Variants in DAB2 observed in about 807,000 individuals in gnomAD.
The protein encoded by DAB2 is disabled homolog 2.
Under a neutral mutation model 71.6 loss-of-function variants are expected in DAB2, and 28 were observed. The ratio of observed to expected loss-of-function variants is 0.39; its 90% CI spans 0.29 to 0.54. The LOEUF (loss-of-function observed/expected upper bound fraction) is 0.54, where lower values mean the gene tolerates loss of function less well. Among genes scored for constraint, DAB2 ranks in the 20% least tolerant of loss-of-function variants. The pLI, the probability that DAB2 is intolerant of heterozygous loss-of-function variation, is 0.68. For synonymous variants in DAB2, 345 were observed against 339.7 expected, an observed-to-expected ratio of 1.02 and a Z score of -0.17; for missense variants, 867 against 928.8, an observed-to-expected ratio of 0.93 and a Z score of 0.86.
At chr5:39,394,101 G>A (rs1755299643) in intron 2 of DAB2, 129 bp downstream of exon 2, 2 of 702,412 alleles carry the variant, frequency 2.8e-6, no homozygotes, top group Non-Finnish European at 4.8e-6. Flanking sequence ...TTCCTATTAG[G>A]AGAACATGAG....
intron 1 of DAB2, chr5:39,417,535 C>G (rs1196297167): frequency 6.6e-6 from 1 of 152,152 alleles, no homozygotes; most frequent in Non-Finnish European, 1.5e-5. Context: ...TTCCATTGTT[C>G]CTTTAAAAGC....
At chr5:39,384,395 GGTCTCTCT>G (rs1240326626) in intron 9 of DAB2, among the ~76,000 whole-genome samples, 2 of 152,102 alleles carry the variant, frequency 1.3e-5, no homozygotes, top group Admixed American at 6.5e-5. Context: ...ATTTGAATGT[GGTCTCTCT>G]GTCTCTCTTC....
intron 4 of DAB2, 61 bp from the exon 5 acceptor site, chr5:39,390,636 A>G (rs1755205239): frequency 7.4e-7 from 1 of 1,351,656 alleles, no homozygotes; most frequent in African/African-American, 1.5e-5. Context: ...GCAGGCTAGC[A>G]CACCGAAGCC....
chr5:39,391,923 A>G (rs2686169), intron 4 of DAB2, among the ~76,000 whole-genome samples: 1 of 150,116 alleles, frequency 6.7e-6, no homozygotes. Context: ...AAAGTGTCAC[A>G]AACTAGGGGT....
At chr5:39,378,376 C>T (rs545713451) in intron 11 of DAB2, among the ~76,000 whole-genome samples, 14 of 152,350 alleles carry the variant, frequency 9.2e-5, no homozygotes, top group Admixed American at 3.3e-4. Context: ...GGTGATGCTT[C>T]GCTCTTGAAA....
At position 39,388,796 on chromosome 5, in the gene DAB2, T is replaced by C. The variant is rs778792250; in HGVS notation, c.624+3A>G. 21 of 1,611,598 alleles carry C rather than the reference T, an allele frequency of 1.3e-5. No individual in the cohort carries two copies. The highest frequency in any genetic ancestry group is 2.2e-5 in the East Asian group (1 of 44,856). ...CTGTCAAACGTCACATATTAATACATACCGATTTCAGTTTGTTAGTTTGGT... is the reference window on the plus strand; with the variant it reads ...CTGTCAAACGTCACATATTAATACACACCGATTTCAGTTTGTTAGTTTGGT... On this transcript the variant is annotated splice_donor_region_variant and intron_variant, in intron 8 of 14. Coordinates refer to ENST00000320816, the MANE Select transcript of DAB2 (RefSeq NM_001343.4).
chr5:39,390,556 G>A lies in DAB2; in HGVS notation c.350C>T (p.Pro117Leu). 6.2e-7 allele frequency: 1 copy of A among 1,612,568 alleles called. No individual in the cohort carries two copies. Among genetic ancestry groups the A allele is most frequent in the Non-Finnish European group, 8.5e-7 (1 of 1,178,856 alleles). ...GGCAATGAAAGAAATCTTATTTACTGGATGTTCATGCTCTATTACCTTAAA... is the reference window on the plus strand; with the variant it reads ...GGCAATGAAAGAAATCTTATTTACTAGATGTTCATGCTCTATTACCTTAAA... ...EKTGVIEHEH[P>L]VNKISFIARD... The change falls in exon 5 of 15, where the codon CCA (proline) becomes CTA (leucine). Residue 117 changes from proline to leucine, a missense_variant. Around this residue, in one of 2 missense-constraint regions of DAB2, gnomAD observed 127 missense variants for 194.4 expected, o/e 0.65. Transcript: ENST00000320816.
At chr5:39,382,037 C>T (rs1049729122) in intron 10 of DAB2, among the ~76,000 whole-genome samples, 1 of 152,110 alleles carries the variant, frequency 6.6e-6, no homozygotes, top group Admixed American at 6.5e-5. Context: ...TCCAGGCAAG[C>T]CTGTATATTC....
At position 39,390,388 on chromosome 5, in the gene DAB2, A is replaced by G. The variant is rs538870996; in HGVS notation, c.462+56T>C. ...TAAATCTTTTAGTTGAGTGACAGAC[A>G]CTCCAATGTCCACAGAGGACAAGTC... On this transcript the variant is annotated intron_variant, in intron 5 of 14. Transcript: ENST00000320816. 2.0e-4 allele frequency: 307 copies of G among 1,558,266 alleles called. 1 individual carries two copies. Among genetic ancestry groups the G allele is most frequent in the Non-Finnish European group, 2.5e-4 (292 of 1,154,518 alleles).
intron 13 of DAB2, 41 bp from the exon 14 acceptor site, chr5:39,375,125 G>C: frequency 1.4e-6 from 2 of 1,468,656 alleles, no homozygotes; most frequent in Non-Finnish European, 1.9e-6. Flanking sequence ...TACAGTTACA[G>C]TCATAAGAAA....
chr5:39,389,022 T>G, intron 7 of DAB2, 75 bp downstream of exon 7: 1 of 1,430,120 alleles, frequency 7.0e-7, no homozygotes. Context: ...GTGGCGAGAG[T>G]GGTTGGGCAG....
intron 1 of DAB2, among the ~76,000 whole-genome samples, chr5:39,401,224 G>A (rs1755489221): frequency 6.6e-6 from 1 of 152,186 alleles, no homozygotes; most frequent in African/African-American, 2.4e-5. Context: ...GGAGTCCTTA[G>A]AAGATTTTCT....
At chr5:39,385,943 T>C (rs1247335276) in intron 9 of DAB2, among the ~76,000 whole-genome samples, 1 of 152,204 alleles carries the variant, frequency 6.6e-6, no homozygotes, top group African/African-American at 2.4e-5. Context: ...GCTTTTAGCA[T>C]CGATTTTTCT....
chr5:39,400,738 C>T (rs1329874318), intron 1 of DAB2, among the ~76,000 whole-genome samples: 3 of 152,114 alleles, frequency 2.0e-5, no homozygotes, highest in Non-Finnish European at 4.4e-5. Context: ...GACATTAACA[C>T]ACCATTAATT....
chr5:39,411,604 TTA>T (rs1755731393), intron 1 of DAB2, among the ~76,000 whole-genome samples: 1 of 152,224 alleles, frequency 6.6e-6, no homozygotes, highest in Admixed American at 6.5e-5. Context: ...GTAGGCATTT[TTA>T]GCATCAGAGA....
At chr5:39,400,649 G>GTC (rs1194730040) in intron 1 of DAB2, among the ~76,000 whole-genome samples, 1 of 152,096 alleles carries the variant, frequency 6.6e-6, no homozygotes, top group Admixed American at 6.5e-5. Flanking sequence ...TATATATACT[G>GTC]TCTCTCTTGT....
At chr5:39,409,701 G>A (rs948165181) in intron 1 of DAB2, among the ~76,000 whole-genome samples, 15 of 152,138 alleles carry the variant, frequency 9.9e-5, no homozygotes, top group African/African-American at 3.6e-4. Context: ...AAGTTTGGAA[G>A]CATAATTCAA....
In DAB2 at chr5:39,392,424, G is replaced by T; in HGVS notation, c.271C>A (p.Gln91Lys). 1 of 1,614,104 alleles carries T rather than the reference G, an allele frequency of 6.2e-7. No individual in the cohort carries two copies. Among genetic ancestry groups the T allele is most frequent in the South Asian group, 1.1e-5 (1 of 91,078 alleles). The change falls in exon 4 of 15, where the codon CAA (glutamine) becomes AAA (lysine). Residue 91 changes from glutamine (Q) to lysine (K), a missense_variant. By Grantham distance (53) the Gln-to-Lys change is moderately conservative (BLOSUM62 1). Coordinates refer to ENST00000320816, the MANE Select transcript of DAB2 (RefSeq NM_001343.4). ...AGGGAAATGTTGACCCAGATCCTTT[G>T]TTTGTGTTGTCCCTGAGACCGACCA... ...AAGRSQGQHK[Q>K]RIWVNISLSG... is the part of the protein sequence containing the mutation.
intron 11 of DAB2, among the ~76,000 whole-genome samples, chr5:39,379,443 C>CCTAA (rs1754905913): frequency 1.4e-5 from 1 of 72,528 alleles, no homozygotes. Context: ...GACTCTGTCT[C>CCTAA]AAAAAAAAAA....
Sources: allele counts gnomAD v4.1 joint callset (sites outside exome capture counted in the v4.1 genomes callset), GRCh38; gene constraint gnomAD v4.1.1; regional missense constraint gnomAD v4.1.1; transcripts MANE v1.5; gene names NCBI Gene and HGNC (gene_info 2026-07-23, HGNC 2026-07-21).